CENPE: variants seen among roughly 807,000 people sequenced by gnomAD.
CENPE encodes centromere-associated protein E.
CENPE carries 145 observed loss-of-function variants against 336.1 expected under a neutral mutation model. The ratio of observed to expected loss-of-function variants is 0.43; its 90% confidence interval spans 0.38 to 0.50. CENPE has a LOEUF of 0.50. Ranked by LOEUF, CENPE falls within the 20% of genes least tolerant of loss-of-function variation. The pLI, the probability that CENPE is intolerant of heterozygous loss-of-function variation, is 0.00. For missense variants in CENPE, 2,719 were observed against 3,023.3 expected, an observed-to-expected ratio of 0.90 and a Z score of 2.36; for synonymous variants, 1,013 against 984.8, an observed-to-expected ratio of 1.03 and a Z score of -0.54.
intron 8 of CENPE, among the ~76,000 whole-genome samples, chr4:103,192,557 T>C (rs1431883085): frequency 6.6e-6 from 1 of 151,786 alleles, no homozygotes; most frequent in African/African-American, 2.4e-5. Flanking sequence ...AGTAAATGAG[T>C]GTAGCACCCA....
At chr4:103,129,195 C>T (rs2125887724) in intron 42 of CENPE, among the ~76,000 whole-genome samples, 1 of 152,248 alleles carries the variant, frequency 6.6e-6, no homozygotes, top group African/African-American at 2.4e-5. Context: ...AGGCCTATAT[C>T]TATCAAAGAA....
intron 39 of CENPE, among the ~76,000 whole-genome samples, chr4:103,137,572 A>G (rs1159221262): frequency 6.6e-6 from 1 of 152,194 alleles, no homozygotes; most frequent in Non-Finnish European, 1.5e-5. Context: ...CAGCATATTG[A>G]ACACTGACTT....
intron 36 of CENPE, 66 bp from the exon 37 acceptor site, chr4:103,140,480 GA>G: frequency 8.9e-7 from 1 of 1,117,738 alleles, no homozygotes. Flanking sequence ...CTTAATGATT[GA>G]GTTTAAACAA....
intron 35 of CENPE, among the ~76,000 whole-genome samples, 188 bp downstream of exon 35, chr4:103,141,562 A>G (rs1241427480): frequency 6.6e-6 from 1 of 152,180 alleles, no homozygotes; most frequent in Admixed American, 6.5e-5. Context: ...TTATAGAAGT[A>G]TGTACGTACT....
At position 103,159,119 on chromosome 4, in the gene CENPE, T is replaced by C. The variant is rs1202947021; in HGVS notation, c.2492A>G (p.Gln831Arg). Residue 831 changes from glutamine (Q) to arginine (R), a missense_variant, in exon 22 of 49, where the codon CAA (glutamine) becomes CGA (arginine). By Grantham distance (43) the Gln-to-Arg change is conservative. Around this residue, in one of 5 missense-constraint regions of CENPE, gnomAD observed 2,437 missense variants for 2,513.3 expected, o/e 0.97. Coordinates refer to ENST00000265148, the MANE Select transcript of CENPE (RefSeq NM_001813.3). ...CTCCTCAAGGACCATCTTATACTTT[T>C]GCTCAAAGTCCATATGAAGGGTTTT... ...NFKTLHMDFE[Q>R]KYKMVLEENE... is the part of the protein sequence containing the mutation. The C allele has an allele frequency of 6.2e-7, 1 of 1,605,232 alleles. No homozygotes were observed. Among genetic ancestry groups the C allele is most frequent in the African/African-American group, 1.3e-5 (1 of 74,214 alleles).
intron 8 of CENPE, among the ~76,000 whole-genome samples, chr4:103,190,177 T>C (rs1170257212): frequency 6.6e-6 from 1 of 152,286 alleles, no homozygotes; most frequent in Non-Finnish European, 1.5e-5. Flanking sequence ...TCCATGCTCA[T>C]GGGTAGGAAG....
In CENPE at chr4:103,193,958, G is replaced by GA. The variant is rs201742132; in HGVS notation, c.693+270dup. On this transcript the variant is annotated intron_variant, in intron 8 of 48. Coordinates refer to ENST00000265148, the MANE Select transcript of CENPE (RefSeq NM_001813.3). ...AAAAATTCTACTGCATTAGTGGTTAGAAAAAACATCAATTCCTATAACCCT... is the reference window on the plus strand; with the variant it reads ...AAAAATTCTACTGCATTAGTGGTTAGAAAAAAACATCAATTCCTATAACCCT... Among the ~76,000 whole-genome samples the GA allele has an allele frequency of 0.01, 1,524 of 152,040 alleles. 30 individuals carry two copies. The highest frequency in any genetic ancestry group is 0.035 in the African/African-American group (1,434 of 41,522).
chr4:103,182,668 A>T, intron 11 of CENPE, 94 bp downstream of exon 11: 1 of 1,035,024 alleles, frequency 9.7e-7, no homozygotes, highest in Non-Finnish European at 1.4e-6. Flanking sequence ...CAGGCGAGTT[A>T]ATTAAAAAAA....
intron 42 of CENPE, among the ~76,000 whole-genome samples, chr4:103,130,910 C>CAA (rs1553926179): frequency 0.033 from 3,112 of 94,098 alleles, 144 homozygotes; most frequent in African/African-American, 0.11. Flanking sequence ...CTTCTACAAG[C>CAA]GAAAAAAAAA....
rs755478080 is a variant in CENPE at position 103,147,474 on chromosome 4, T to A, written c.4016A>T (p.Glu1339Val). The A allele has an allele frequency of 6.2e-7, 1 of 1,614,150 alleles. No homozygotes were observed. Among genetic ancestry groups the A allele is most frequent in the South Asian group, 1.1e-5 (1 of 91,080 alleles). ...TAGAGATTTTATCTCTTCCTGACTTTCTTGAAATTTTTCATTCAACCTGAG... is the reference window on the plus strand; with the variant it reads ...TAGAGATTTTATCTCTTCCTGACTTACTTGAAATTTTTCATTCAACCTGAG... ...ERLRLNEKFQ[E>V]SQEEIKSLTK... is the part of the protein sequence containing the mutation. Residue 1339 changes from glutamate to valine, a missense_variant, in exon 29 of 49, where the codon GAA becomes GTA. This residue lies in a region of CENPE where 2,437 missense variants were observed against 2,513.3 expected (regional missense o/e 0.97). Coordinates refer to ENST00000265148, the MANE Select transcript of CENPE (RefSeq NM_001813.3).
In CENPE at chr4:103,143,502, C is replaced by T. The variant is rs112263370; in HGVS notation, c.5146-96G>A. ...GCAGGAGGTAAAAATCTTCCACCCT[C>T]TTCTGAGGCCTCCTAGTTCTCACCC... is the stretch of plus-strand genomic sequence containing the variant. On this transcript the variant is annotated intron_variant, in intron 33 of 48. Transcript: ENST00000265148. 78 of 769,848 alleles carry T rather than the reference C, an allele frequency of 1.0e-4. No homozygotes were observed. The African/African-American group carries it at 1.0e-3, about 10-fold the overall frequency. 47.7% of individuals were successfully genotyped at this position (769,848 alleles called of 1,614,324 possible). A position where few individuals can be genotyped will look rare whatever the true frequency, so the allele number is the denominator to read the frequency against.
At chr4:103,126,206 T>C (rs1440970667) in intron 42 of CENPE, among the ~76,000 whole-genome samples, 1 of 152,084 alleles carries the variant, frequency 6.6e-6, no homozygotes, top group Non-Finnish European at 1.5e-5. Flanking sequence ...GTCATCACAG[T>C]TAATATTGGA....
chr4:103,185,034 G>A (rs1353483540), intron 9 of CENPE, among the ~76,000 whole-genome samples: 2 of 152,086 alleles, frequency 1.3e-5, no homozygotes, highest in African/African-American at 2.4e-5. Context: ...GCCGGGTGTG[G>A]TGGCTCACAC....
chr4:103,169,218 C>T (rs150494371), intron 16 of CENPE, among the ~76,000 whole-genome samples: 8 of 147,870 alleles, frequency 5.4e-5, no homozygotes, highest in Admixed American at 2.0e-4. Flanking sequence ...GAGCTTGAGA[C>T]AGGCTATTTT....
In CENPE at chr4:103,151,255, G is replaced by A. The variant is rs376026902; in HGVS notation, c.3360C>T (p.Asp1120=). Residue 1120 remains aspartate (D), a synonymous_variant, in exon 26 of 49, where the codon GAC becomes GAT. Transcript: ENST00000265148. The part of the protein sequence containing the change: ...KKEGELSRTC[D]RLAEVEEKLK... ...GTTTTTCTTCAACTTCTGCCAGTCT[G>A]TCACAGGTCCTAGAAAGCTCTCCTT... is the stretch of plus-strand genomic sequence containing the variant. The A allele has an allele frequency of 3.1e-6, 5 of 1,603,734 alleles. No individual in the cohort carries two copies. The highest frequency in any genetic ancestry group is 4.2e-6 in the Non-Finnish European group (5 of 1,177,792).
rs1757775697 is a variant in CENPE at position 103,196,825 on chromosome 4, G to C, written c.82C>G (p.Gln28Glu). ...SREESLGETAQVYWKTDNNVI... is the reference protein window; with the variant it reads ...SREESLGETAEVYWKTDNNVI... ...TTATTGTCAGTTTTCCAGTAAACTT[G>C]GGCAGTTTCTCCAAGTGATTCTTCT... The change falls in exon 2 of 49, where the codon CAA becomes GAA. Residue 28 changes from glutamine to glutamate, a missense_variant. Transcript: ENST00000265148. 37 of 1,588,864 alleles carry C rather than the reference G, an allele frequency of 2.3e-5. No individual in the cohort carries two copies. Among genetic ancestry groups the C allele is most frequent in the Non-Finnish European group, 3.2e-5 (37 of 1,159,774 alleles).
chr4:103,198,232 G>C (rs1344543098), intron 1 of CENPE, 32 bp downstream of exon 1: 12 of 1,546,936 alleles, frequency 7.8e-6, no homozygotes, highest in Non-Finnish European at 5.2e-6. Flanking sequence ...CGCAGGCCCA[G>C]CGGGCACCGG....
rs553653165 is a variant in CENPE at position 103,168,319 on chromosome 4, C to T, written c.1648-4766G>A. Among the ~76,000 whole-genome samples, 238 of 152,278 alleles carry T rather than the reference C, an allele frequency of 1.6e-3. 1 individual carries two copies. Among genetic ancestry groups the T allele is most frequent in the Non-Finnish European group, 2.8e-3 (192 of 68,014 alleles). On this transcript the variant is annotated intron_variant, in intron 16 of 48. Coordinates refer to ENST00000265148, the MANE Select transcript of CENPE (RefSeq NM_001813.3). ...ACCAGGACAGGTTTCATGCATCTTT[C>T]CCATAATAGATCCTAAAGCAGTCTT...
intron 28 of CENPE, 41 bp downstream of exon 28, chr4:103,148,803 A>T (rs1753284798): frequency 6.4e-7 from 1 of 1,562,356 alleles, no homozygotes. Context: ...AGGAGAAAGG[A>T]AGGAAGAAGT....
Sources: allele counts gnomAD v4.1 joint callset (sites outside exome capture counted in the v4.1 genomes callset), GRCh38; gene constraint gnomAD v4.1.1; regional missense constraint gnomAD v4.1.1; transcripts MANE v1.5; gene names NCBI Gene and HGNC (gene_info 2026-07-23, HGNC 2026-07-21).